The following SAMSN1 variants were observed in gnomAD, a reference collection of about 807,000 sequenced individuals.
The protein encoded by SAMSN1 is SAM domain, SH3 domain and nuclear localization signals 1.
In SAMSN1, 31 loss-of-function variants were observed where a neutral mutation model predicts 42.0. That is an observed-to-expected ratio of 0.74 (90% confidence interval 0.55 to 1.00). The LOEUF is 1.00. SAMSN1 is among the 50% of genes least tolerant of loss of function. The pLI is 0.00. For synonymous variants in SAMSN1, 178 were observed against 151.9 expected (o/e 1.17, Z -1.26); for missense variants, 464 against 439.4 (o/e 1.06, Z -0.50).
intron 1 of SAMSN1, among the ~76,000 whole-genome samples, chr21:14,540,278 C>T (rs1979925712): frequency 6.6e-6 from 1 of 152,120 alleles, no homozygotes; most frequent in Non-Finnish European, 1.5e-5. Context: ...CAACAAAAGC[C>T]AAAATTGACA....
chr21:14,613,062 C>G (rs1432803990), intron 3 of SAMSN1: 1 of 479,226 alleles, frequency 2.1e-6, no homozygotes, highest in Admixed American at 3.7e-5. Flanking sequence ...ATTTTCCTAA[C>G]CCTAGGTGGC....
intron 1 of SAMSN1, chr21:14,643,160 G>C: frequency 1.4e-6 from 1 of 712,968 alleles, no homozygotes; most frequent in East Asian, 2.7e-5. Flanking sequence ...TATGAGTCAA[G>C]GAATAACAGA....
intron 1 of SAMSN1, among the ~76,000 whole-genome samples, chr21:14,534,846 G>T (rs1263757965): frequency 1.3e-5 from 2 of 152,146 alleles, no homozygotes; most frequent in Admixed American, 1.3e-4. Context: ...GGTTAAGAAA[G>T]ATCAAAGTAA....
intron 1 of SAMSN1, among the ~76,000 whole-genome samples, chr21:14,534,526 T>TC (rs549064225): frequency 4.7e-4 from 71 of 150,172 alleles, no homozygotes; most frequent in Non-Finnish European, 7.0e-4. Context: ...CTTTTTTTCT[T>TC]TTTTTTTTTG....
At chr21:14,618,656 ATGTGTGTGTGTGTGTG>A (rs3050614) in intron 2 of SAMSN1, among the ~76,000 whole-genome samples, 113 of 149,166 alleles carry the variant, frequency 7.6e-4, no homozygotes, top group African/African-American at 2.6e-3. Flanking sequence ...ACAGCTGTGT[ATGTGTGTGTGTGTGTG>A]TGTGTGTGTG....
At chr21:14,505,351 A>G (rs564164292) in intron 5 of SAMSN1, among the ~76,000 whole-genome samples, 3 of 152,248 alleles carry the variant, frequency 2.0e-5, no homozygotes, top group Non-Finnish European at 4.4e-5. Context: ...CCTTCAAGAG[A>G]CTCATCTAAC....
chr21:14,508,737 C>T (rs2122965724), intron 5 of SAMSN1, among the ~76,000 whole-genome samples: 1 of 152,238 alleles, frequency 6.6e-6, no homozygotes, highest in African/African-American at 2.4e-5. Flanking sequence ...AGTCATTATA[C>T]AAAAAAGATA....
chr21:14,567,614 A>T (rs1178998189), intron 2 of SAMSN1, among the ~76,000 whole-genome samples: 1 of 152,110 alleles, frequency 6.6e-6, no homozygotes, highest in Non-Finnish European at 1.5e-5. Context: ...CTTCCAGCTG[A>T]TCATAAAGAC....
intron 2 of SAMSN1, among the ~76,000 whole-genome samples, chr21:14,623,813 C>T (rs1272778319): frequency 6.6e-6 from 1 of 152,188 alleles, no homozygotes; most frequent in African/African-American, 2.4e-5. Context: ...CCCAATTCAA[C>T]AGAATATACA....
intron 7 of SAMSN1, among the ~76,000 whole-genome samples, chr21:14,494,960 C>A (rs1317614139): frequency 6.6e-6 from 1 of 152,268 alleles, no homozygotes; most frequent in Middle Eastern, 3.4e-3. Context: ...TTTTGCTCAA[C>A]TTTTATATTG....
At chr21:14,505,671 G>A (rs1238803929) in intron 5 of SAMSN1, among the ~76,000 whole-genome samples, 5 of 152,164 alleles carry the variant, frequency 3.3e-5, no homozygotes, top group African/African-American at 9.7e-5. Context: ...GTACTCCAGT[G>A]ACAGCACTAG....
At chr21:14,535,184 G>A (rs1979527995) in intron 1 of SAMSN1, among the ~76,000 whole-genome samples, 1 of 152,118 alleles carries the variant, frequency 6.6e-6, no homozygotes. Context: ...ATATTAGGTT[G>A]GTGCAAAAGT....
At chr21:14,601,626 T>A (rs78495464) in intron 6 of SAMSN1, among the ~76,000 whole-genome samples, 3,988 of 152,286 alleles carry the variant, frequency 0.026, 106 homozygotes, top group South Asian at 0.081. Flanking sequence ...ACATTCAGAC[T>A]TTTTTAATTA....
chr21:14,518,375 T>A (rs1234075561), intron 2 of SAMSN1, among the ~76,000 whole-genome samples: 2 of 152,164 alleles, frequency 1.3e-5, no homozygotes, highest in Non-Finnish European at 2.9e-5. Flanking sequence ...GTGTCTAGAG[T>A]ACTTCCAAGC....
chr21:14,518,318 T>C (rs540453648), intron 2 of SAMSN1, among the ~76,000 whole-genome samples: 260 of 152,352 alleles, frequency 1.7e-3, no homozygotes, highest in African/African-American at 6.0e-3. Context: ...CGTCTCCCAC[T>C]ATGATGCATG....
chr21:14,510,339 G>A lies in SAMSN1; in HGVS notation c.532C>T (p.Pro178Ser). 6.2e-7 allele frequency: 1 copy of A among 1,614,114 alleles called. No individual in the cohort carries two copies. The highest frequency in any genetic ancestry group is 8.5e-7 in the Non-Finnish European group (1 of 1,180,008). Residue 178 changes from proline (P) to serine (S), a missense_variant, in exon 5 of 8, where the codon CCC (proline) becomes TCC (serine). Pro to Ser is a moderately conservative substitution (Grantham distance 74). Transcript: ENST00000400566. ...ATTTTGAGGGAGTCAGTGTCATAGGGACTTGGCGTGAAATCCGTATGCACT... is the reference window on the plus strand; with the variant it reads ...ATTTTGAGGGAGTCAGTGTCATAGGAACTTGGCGTGAAATCCGTATGCACT... Reference protein sequence around the residue: ...ARVHTDFTPSPYDTDSLKIKK... With the variant: ...ARVHTDFTPSSYDTDSLKIKK...
At position 14,565,941 on chromosome 21, in the gene SAMSN1, A is replaced by T. The variant is rs79838616; in HGVS notation, c.261+16195T>A. On this transcript the variant is annotated intron_variant, in intron 2 of 8. Transcript: ENST00000285670. ...CCTTGTCTCCTTGCCAATGGGACGTATGTCTTGACAATGAAAATAACAGGA... is the reference window on the plus strand; with the variant it reads ...CCTTGTCTCCTTGCCAATGGGACGTTTGTCTTGACAATGAAAATAACAGGA... Among the ~76,000 whole-genome samples the T allele has an allele frequency of 5.2e-3, 785 of 152,356 alleles. 4 individuals carry two copies. The highest frequency in any genetic ancestry group is 0.018 in the African/African-American group (752 of 41,588).
intron 2 of SAMSN1, among the ~76,000 whole-genome samples, chr21:14,630,460 C>T (rs1385554666): frequency 6.7e-6 from 1 of 150,352 alleles, no homozygotes; most frequent in African/African-American, 2.4e-5. Context: ...CTCCTGTAAG[C>T]CTAGGAAATA....
intron 2 of SAMSN1, among the ~76,000 whole-genome samples, chr21:14,573,429 G>C (rs2123223646): frequency 6.6e-6 from 1 of 152,244 alleles, no homozygotes; most frequent in East Asian, 1.9e-4. Flanking sequence ...ATGCATACTT[G>C]CTGGTTCTGA....
Sources: allele counts gnomAD v4.1 joint callset (sites outside exome capture counted in the v4.1 genomes callset), GRCh38; gene constraint gnomAD v4.1.1; transcripts MANE v1.5; gene names NCBI Gene and HGNC (gene_info 2026-07-23, HGNC 2026-07-21).